Variants in CLP1 observed in about 807,000 individuals in gnomAD.
The protein encoded by CLP1 is cleavage factor polyribonucleotide kinase subunit 1.
Under a neutral mutation model 29.9 loss-of-function variants are expected in CLP1, and 18 were observed. The ratio of observed to expected loss-of-function variants is 0.60; its 90% CI spans 0.42 to 0.89. The LOEUF (loss-of-function observed/expected upper bound fraction) is 0.89, where lower values mean the gene tolerates loss of function less well. Among genes scored for constraint, CLP1 ranks in the 40% least tolerant of loss-of-function variants. CLP1 has a pLI of 0.00. For synonymous variants in CLP1, 162 were observed against 206.2 expected, an observed-to-expected ratio of 0.79 and a Z score of 1.84; for missense variants, 357 against 544.8, an observed-to-expected ratio of 0.66 and a Z score of 3.43.
intron 2 of CLP1, among the ~76,000 whole-genome samples, chr11:57,660,379 G>T (rs958106438): frequency 2.6e-5 from 4 of 152,158 alleles, no homozygotes; most frequent in African/African-American, 9.7e-5. Context: ...TTTCAGGCTG[G>T]GTACAGTGGC....
At chr11:57,660,164 A>G (rs1433480256) in intron 2 of CLP1, 82 bp downstream of exon 2, 1 of 1,392,150 alleles carries the variant, frequency 7.2e-7, no homozygotes, top group Non-Finnish European at 9.6e-7. Context: ...TTAACACTGC[A>G]TTTTCTCAGC....
In CLP1 at chr11:57,661,035, C is replaced by T. The variant is rs764078062; in HGVS notation, c.877C>T (p.Arg293Trp). 6.2e-6 allele frequency: 10 copies of T among 1,614,094 alleles called. No individual in the cohort carries two copies. The highest frequency in any genetic ancestry group is 1.3e-5 in the African/African-American group (1 of 74,914). Residue 293 changes from arginine (R) to tryptophan (W), a missense_variant, in exon 3 of 3, where the codon CGG becomes TGG. By Grantham distance (101) the Arg-to-Trp change is moderately radical. Transcript: ENST00000533682. Reference protein sequence around the residue: ...GGVVERSKDFRRECRDERIRE... With the variant: ...GGVVERSKDFWRECRDERIRE... ...TGTGGTGGAGCGCTCCAAGGACTTC[C>T]GGCGGGAATGTAGGGATGAGCGTAT...
Position 57,661,304 on chromosome 11 carries a change from T to C in CLP1, c.1146T>C (p.Ser382=). Residue 382 remains serine (S), a synonymous_variant, in exon 3 of 3, where the codon AGT becomes AGC. Transcript: ENST00000533682. ...CAGAGGAGAACCTGTCCGAGACAAGTGTAGCTGGCTTCATTGTGGTGACCA... is the reference window on the plus strand; with the variant it reads ...CAGAGGAGAACCTGTCCGAGACAAGCGTAGCTGGCTTCATTGTGGTGACCA... ...EGTEENLSET[S]VAGFIVVTSV... is the part of the protein sequence containing the mutation. 6.2e-7 allele frequency: 1 copy of C among 1,614,218 alleles called. No homozygotes were observed. Among genetic ancestry groups the C allele is most frequent in the Non-Finnish European group, 8.5e-7 (1 of 1,180,038 alleles).
Position 57,660,755 on chromosome 11 carries a change from T to C in CLP1, c.607-10T>C, listed in dbSNP as rs755611394. On this transcript the variant is annotated splice_polypyrimidine_tract_variant and intron_variant, in intron 2 of 2. Transcript: ENST00000533682. ...TGTTTTTGTTCTTACCTTGATCCTC[T>C]CTTTTGCAGATTACATCTCGTTTAG... 6.4e-7 allele frequency: 1 copy of C among 1,563,630 alleles called. No homozygotes were observed. The highest frequency in any genetic ancestry group is 2.3e-5 in the East Asian group (1 of 44,302).
In CLP1 at chr11:57,661,548, C is replaced by A; in HGVS notation, c.*112C>A. The stretch of plus-strand genomic sequence containing the variant: ...GGCCACCTGACCAGTAAACTGTGGA[C>A]TAGTAGAAAGTTCATATTCTACCTC... On this transcript the variant is annotated 3_prime_UTR_variant, in exon 3 of 3. Coordinates refer to ENST00000533682, the MANE Select transcript of CLP1 (RefSeq NM_006831.3). 1 of 847,718 alleles carries A rather than the reference C, an allele frequency of 1.2e-6. No individual in the cohort carries two copies. The highest frequency in any genetic ancestry group is 1.8e-6 in the Non-Finnish European group (1 of 543,118). 52.5% of individuals were successfully genotyped at this position (847,718 alleles called of 1,614,324 possible). A position where few individuals can be genotyped will look rare whatever the true frequency, so the allele number is the denominator to read the frequency against.
intron 1 of CLP1, among the ~76,000 whole-genome samples, chr11:57,658,654 G>A (rs929820943): frequency 2.0e-5 from 3 of 151,568 alleles, no homozygotes; most frequent in African/African-American, 7.3e-5. Flanking sequence ...TTTTGAGACA[G>A]AGCCTTGGTC....
Position 57,660,972 on chromosome 11 carries a change from C to G in CLP1, c.814C>G (p.His272Asp). 3 of 1,614,210 alleles carry G rather than the reference C, an allele frequency of 1.9e-6. No homozygotes were observed. Among genetic ancestry groups the G allele is most frequent in the South Asian group, 1.1e-5 (1 of 91,082 alleles). The change falls in exon 3 of 3, where the codon CAC becomes GAC. Residue 272 changes from histidine (H) to aspartate (D), a missense_variant. Transcript: ENST00000533682. ...CAATGAACTGAAACGGGACCTCCCC[C>G]ACTTTGTACGCACTGTGCTGCTCCC... The part of the protein sequence containing the change: ...LYNELKRDLP[H>D]FVRTVLLPKS...
At chr11:57,660,159 A>G in intron 2 of CLP1, 77 bp downstream of exon 2, 1 of 1,423,964 alleles carries the variant, frequency 7.0e-7, no homozygotes, top group South Asian at 1.5e-5. Context: ...ACTAGTTAAC[A>G]CTGCATTTTC....
At position 57,660,827 on chromosome 11, in the gene CLP1, GAGTGGC is replaced by G; in HGVS notation, c.670_675del (p.Ser224_Gly225del). Reference sequence around the variant, plus strand: ...GTGAGGTGAACCGAAGGGCATCTGTGAGTGGCTGTGTCATTAACACCTGTGGCTGGG... The same window carrying G: ...GTGAGGTGAACCGAAGGGCATCTGTGTGTGTCATTAACACCTGTGGCTGGG... On this transcript the variant is annotated inframe_deletion, in exon 3 of 3. Coordinates refer to ENST00000533682, the MANE Select transcript of CLP1 (RefSeq NM_006831.3). 1 of 1,613,566 alleles carries G rather than the reference GAGTGGC, an allele frequency of 6.2e-7. No homozygotes were observed. Among genetic ancestry groups the G allele is most frequent in the Non-Finnish European group, 8.5e-7 (1 of 1,179,528 alleles).
chr11:57,659,153 G>A lies in CLP1; in HGVS notation c.-22-302G>A, dbSNP rs150697923. 8.7e-4 allele frequency among the ~76,000 whole-genome samples: 127 copies of A among 146,402 alleles called. 1 individual carries two copies. Among genetic ancestry groups the A allele is most frequent in the African/African-American group, 3.1e-3 (122 of 39,308 alleles). On this transcript the variant is annotated intron_variant, in intron 1 of 2. Transcript: ENST00000533682. The stretch of plus-strand genomic sequence containing the variant: ...GGCTAGCATGCAGTGGCACAATCTC[G>A]GGTCACTGCAGCCTCTGCCACCTGG...
intron 2 of CLP1, among the ~76,000 whole-genome samples, chr11:57,660,493 A>G (rs559757821): frequency 6.6e-6 from 1 of 152,224 alleles, no homozygotes; most frequent in Admixed American, 6.5e-5. Context: ...TGTCTCTACT[A>G]AAAATACAAA....
intron 1 of CLP1, among the ~76,000 whole-genome samples, chr11:57,659,136 T>C (rs1379117207): frequency 1.3e-5 from 2 of 149,172 alleles, no homozygotes; most frequent in African/African-American, 5.0e-5. Context: ...CAGGCTAGCA[T>C]GCAGTGGCAC....
Position 57,661,821 on chromosome 11 carries a change from A to G in CLP1, c.*385A>G, listed in dbSNP as rs1945879787. 4.7e-6 allele frequency: 1 copy of G among 213,942 alleles called. No homozygotes were observed. The highest frequency in any genetic ancestry group is 5.8e-5 in the Admixed American group (1 of 17,210). The allele number at this position is 213,942 out of a possible 1,614,324, so 13.3% of individuals were successfully genotyped here. ...AGAGGGACTCCTTCCAATAAAGTTCAAACTTAAAAAAAATCATTTTAATAA... is the reference window on the plus strand; with the variant it reads ...AGAGGGACTCCTTCCAATAAAGTTCGAACTTAAAAAAAATCATTTTAATAA... On this transcript the variant is annotated 3_prime_UTR_variant, in exon 3 of 3. Coordinates refer to ENST00000533682, the MANE Select transcript of CLP1 (RefSeq NM_006831.3).
chr11:57,659,614 C>T lies in CLP1; in HGVS notation c.138C>T (p.Gly46=), dbSNP rs1945854812. 2 of 1,614,084 alleles carry T rather than the reference C, an allele frequency of 1.2e-6. No homozygotes were observed. Among genetic ancestry groups the T allele is most frequent in the East Asian group, 2.2e-5 (1 of 44,878 alleles). The change falls in exon 2 of 3, where the codon GGC becomes GGT. Residue 46 remains glycine (G), a synonymous_variant. Transcript: ENST00000533682. ...TGACTGGCATGGCAGAGATCTTTGG[C>T]ACAGAGCTGACCCGAAACAAGAAAT... ...ELLTGMAEIF[G]TELTRNKKFT... is the part of the protein sequence containing the mutation.
At position 57,660,749 on chromosome 11, in the gene CLP1, A is replaced by T. The variant is rs1565184800; in HGVS notation, c.607-16A>T. ...TCTGGGTGTTTTTGTTCTTACCTTG[A>T]TCCTCTCTTTTGCAGATTACATCTC... On this transcript the variant is annotated splice_polypyrimidine_tract_variant and intron_variant, in intron 2 of 2. Transcript: ENST00000533682. 1.3e-6 allele frequency: 2 copies of T among 1,556,020 alleles called. No homozygotes were observed. The highest frequency in any genetic ancestry group is 1.7e-6 in the Non-Finnish European group (2 of 1,149,304).
intron 1 of CLP1, 93 bp from the exon 2 acceptor site, chr11:57,659,362 T>C: frequency 8.0e-7 from 1 of 1,244,654 alleles, no homozygotes; most frequent in Non-Finnish European, 1.1e-6. Context: ...GTGCTGGGAT[T>C]ACAGGCGTGA....
At chr11:57,659,044 A>G (rs1020930893) in intron 1 of CLP1, among the ~76,000 whole-genome samples, 2 of 150,672 alleles carry the variant, frequency 1.3e-5, no homozygotes, top group African/African-American at 4.9e-5. Flanking sequence ...CAAAGTGCTG[A>G]AATTACAGGC....
chr11:57,658,226 C>G (rs2135359109), intron 1 of CLP1, among the ~76,000 whole-genome samples: 1 of 152,240 alleles, frequency 6.6e-6, no homozygotes, highest in South Asian at 2.1e-4. Context: ...GAGTTCAGAC[C>G]CGGTGTGCTC....
intron 1 of CLP1, among the ~76,000 whole-genome samples, chr11:57,659,142 G>A (rs1460300900): frequency 1.4e-5 from 2 of 145,530 alleles, no homozygotes; most frequent in African/African-American, 5.1e-5. Flanking sequence ...AGCATGCAGT[G>A]GCACAATCTC....
Sources: gnomAD v4.1 joint callset for allele counts (sites outside exome capture counted in the v4.1 genomes callset) on GRCh38, gnomAD v4.1.1 for gene constraint, MANE v1.5 for transcripts, NCBI Gene and HGNC (gene_info 2026-07-23, HGNC 2026-07-21) for gene names.